Variants in MACF1 observed in about 807,000 individuals in gnomAD.
MACF1 encodes the protein microtubule-actin cross-linking factor 1.
MACF1 carries 193 observed loss-of-function variants against 854.8 expected under a neutral mutation model. The ratio of observed to expected loss-of-function variants is 0.23; its 90% CI spans 0.20 to 0.25. The LOEUF (loss-of-function observed/expected upper bound fraction) is 0.25. MACF1 is among the 10% of genes least tolerant of loss of function. The probability of loss-of-function intolerance (pLI) is 1.00; values close to 1 mark genes in which losing one functional copy is unlikely to be tolerated. For synonymous variants in MACF1, 3,185 were observed against 3,226.7 expected, an observed-to-expected ratio of 0.99 and a Z score of 0.44; for missense variants, 7,722 against 8,929.1, an observed-to-expected ratio of 0.86 and a Z score of 5.45.
At chr1:39,463,774 G>A in intron 94 of MACF1, 88 bp downstream of exon 94, 1 of 1,147,684 alleles carries the variant, frequency 8.7e-7, no homozygotes, top group Non-Finnish European at 1.3e-6. Context: ...TAGAGGCCCA[G>A]AGCCCATCGG....
At chr1:39,126,658 G>A (rs1053989892) in intron 2 of MACF1, among the ~76,000 whole-genome samples, 4 of 151,952 alleles carry the variant, frequency 2.6e-5, no homozygotes, top group African/African-American at 4.8e-5. Context: ...GTGGTGGTGG[G>A]TGCCTGTAAT....
At chr1:39,467,684 T>G (rs1324247733) in intron 95 of MACF1, 1 of 152,242 alleles carries the variant, frequency 6.6e-6, no homozygotes, top group Non-Finnish European at 1.5e-5. Context: ...GCTACAATTT[T>G]TAATTGCTTC....
chr1:39,416,126 A>T (rs865939189), intron 58 of MACF1, among the ~76,000 whole-genome samples: 3 of 152,196 alleles, frequency 2.0e-5, no homozygotes, highest in African/African-American at 7.2e-5. Flanking sequence ...GATTAAGAGG[A>T]TTGATTAAGA....
intron 58 of MACF1, among the ~76,000 whole-genome samples, chr1:39,408,942 G>GCCCCGC (rs879610734): frequency 0.013 from 1,997 of 148,628 alleles, 20 homozygotes; most frequent in African/African-American, 0.021. Context: ...CCCCCGCCGG[G>GCCCCGC]CCCCGCCCCC....
chr1:39,332,355 C>T lies in MACF1; in HGVS notation c.5767C>T (p.Pro1923Ser), dbSNP rs755847609. 9 of 1,613,878 alleles carry T rather than the reference C, an allele frequency of 5.6e-6. No individual in the cohort carries two copies. In the African/African-American group the frequency reaches 6.7e-5, roughly 12 times the overall value. ...CAATAACTTAAAATCGATTTGTATA[C>T]CTGATGTGATGCCCCACATGCAACT... is the stretch of plus-strand genomic sequence containing the variant. The part of the protein sequence containing the change: ...LANNLKSICI[P>S]DVMPHMQLAD... Residue 1923 changes from proline to serine, a missense_variant, in exon 37 of 101, where the codon CCT becomes TCT. This residue lies in a region of MACF1 where 1,531 missense variants were observed against 1,601.6 expected (regional missense o/e 0.96). Coordinates refer to ENST00000564288, the MANE Select transcript of MACF1 (RefSeq NM_001394062.1).
intron 1 of MACF1, among the ~76,000 whole-genome samples, chr1:39,222,306 G>T (rs1644663181): frequency 6.6e-6 from 1 of 152,018 alleles, no homozygotes; most frequent in Non-Finnish European, 1.5e-5. Context: ...TGTATTTTTT[G>T]TAGAGACAGA....
intron 18 of MACF1, 102 bp downstream of exon 18, chr1:39,293,721 G>A: frequency 1.7e-6 from 2 of 1,153,062 alleles, no homozygotes; most frequent in South Asian, 1.7e-5. Flanking sequence ...GTTGCACTCT[G>A]CTAGATAGAA....
intron 90 of MACF1, chr1:39,458,816 T>C (rs1002655763): frequency 1.4e-5 from 7 of 492,642 alleles, no homozygotes; most frequent in African/African-American, 1.4e-4. Flanking sequence ...ACAGAATATG[T>C]TGCTTTTTTA....
rs1571224243 is a variant in MACF1, at chr1:39,252,702, C to A, written c.357+761C>A. The stretch of plus-strand genomic sequence containing the variant: ...GCCTTAGAATCTTCCATTTTATAGG[C>A]ACTATCATCTTCTAAGCCATATTCA... On this transcript the variant is annotated intron_variant, in intron 4 of 100. Coordinates refer to ENST00000564288, the MANE Select transcript of MACF1 (RefSeq NM_001394062.1). Among the ~76,000 whole-genome samples the A allele has an allele frequency of 2.0e-5, 3 of 152,314 alleles. No individual in the cohort carries two copies. The East Asian group carries it at 5.8e-4, about 29-fold the overall frequency.
intron 44 of MACF1, among the ~76,000 whole-genome samples, 188 bp downstream of exon 44, chr1:39,353,419 C>G (rs1647267283): frequency 6.6e-6 from 1 of 152,192 alleles, no homozygotes; most frequent in Non-Finnish European, 1.5e-5. Context: ...CATAATACTA[C>G]TCTGCCCTGA....
At chr1:39,385,349 T>A (rs1242760432) in intron 56 of MACF1, 85 bp from the exon 57 acceptor site, 3 of 1,446,194 alleles carry the variant, frequency 2.1e-6, no homozygotes, top group Non-Finnish European at 2.8e-6. Flanking sequence ...ATTACAGGCA[T>A]GAGCCACTGT....
At chr1:39,107,997 G>C (rs1464013705) in intron 2 of MACF1, among the ~76,000 whole-genome samples, 1 of 152,036 alleles carries the variant, frequency 6.6e-6, no homozygotes, top group Non-Finnish European at 1.5e-5. Flanking sequence ...TAGTGCAGCT[G>C]TATTAGGAAT....
intron 15 of MACF1, among the ~76,000 whole-genome samples, chr1:39,288,526 G>A (rs1300867489): frequency 2.0e-5 from 3 of 151,416 alleles, no homozygotes; most frequent in Middle Eastern, 3.5e-3. Context: ...CAGGCTGGGC[G>A]TGGTAGCTCA....
intron 15 of MACF1, among the ~76,000 whole-genome samples, chr1:39,288,102 T>C (rs1303132078): frequency 6.6e-6 from 1 of 152,220 alleles, no homozygotes; most frequent in Non-Finnish European, 1.5e-5. Context: ...AGGCATGTAA[T>C]GCATAATAAT....
chr1:39,127,674 C>T (rs907128292), intron 2 of MACF1, among the ~76,000 whole-genome samples: 4 of 152,138 alleles, frequency 2.6e-5, no homozygotes, highest in Admixed American at 6.5e-5. Context: ...TCTAAAAACT[C>T]CTAGTTCTGG....
chr1:39,452,502 A>G, intron 86 of MACF1, 152 bp downstream of exon 86: 1 of 1,130,112 alleles, frequency 8.8e-7, no homozygotes, highest in Non-Finnish European at 1.3e-6. Flanking sequence ...TTTAATATTC[A>G]TTTTGAGAAA....
chr1:39,431,899 C>G (rs1424227729), intron 66 of MACF1, among the ~76,000 whole-genome samples: 1 of 152,148 alleles, frequency 6.6e-6, no homozygotes, highest in Non-Finnish European at 1.5e-5. Context: ...TCACTCGCGC[C>G]TAGGAGTTAG....
chr1:39,452,449 T>A, intron 86 of MACF1, 99 bp downstream of exon 86: 1 of 1,273,130 alleles, frequency 7.9e-7, no homozygotes, highest in Non-Finnish European at 1.1e-6. Flanking sequence ...TTGAAATAAG[T>A]ATAACAGAGT....
Position 39,441,935 on chromosome 1 carries a change from C to T in MACF1, c.18673-17C>T, listed in dbSNP as rs745970459. On this transcript the variant is annotated splice_polypyrimidine_tract_variant and intron_variant, in intron 74 of 100. Coordinates refer to ENST00000564288, the MANE Select transcript of MACF1 (RefSeq NM_001394062.1). ...TCTTCTGGTTGTTTTTGACTGTTTA[C>T]TTGTCTTTTGTTCTAGGCTATGTTT... The T allele has an allele frequency of 5.2e-5, 83 of 1,596,604 alleles. No individual in the cohort carries two copies. Among genetic ancestry groups the T allele is most frequent in the Non-Finnish European group, 6.9e-5 (80 of 1,164,848 alleles).
Sources: gnomAD v4.1 joint callset for allele counts (sites outside exome capture counted in the v4.1 genomes callset) on GRCh38, gnomAD v4.1.1 for gene constraint, gnomAD v4.1.1 regional missense constraint, MANE v1.5 for transcripts, NCBI Gene and HGNC (gene_info 2026-07-23, HGNC 2026-07-21) for gene names.